Variants in RYR3 observed in about 807,000 individuals in gnomAD.
RYR3 encodes ryanodine receptor 3.
RYR3 carries 207 observed loss-of-function variants against 584.3 expected under a neutral mutation model. That is an observed-to-expected ratio of 0.35 (90% CI 0.32 to 0.40). The LOEUF is 0.40. Ranked by LOEUF, RYR3 falls within the 10% of genes least tolerant of loss-of-function variation. The probability of loss-of-function intolerance (pLI) is 1.00; values close to 1 mark genes in which losing one functional copy is unlikely to be tolerated. For synonymous variants in RYR3, 2,416 were observed against 2,248.5 expected (o/e 1.07, Z -2.11); for missense variants, 5,616 against 6,089.2 (o/e 0.92, Z 2.59).
At chr15:33,473,361 T>G in intron 1 of RYR3, 58 bp from the exon 2 acceptor site, 3 of 1,609,836 alleles carry the variant, frequency 1.9e-6, no homozygotes, top group Non-Finnish European at 2.5e-6. Context: ...GGAAGGTGAC[T>G]CGGGGCCTGG....
At chr15:33,364,920 C>G (rs1414096614) in intron 1 of RYR3, among the ~76,000 whole-genome samples, 12 of 152,154 alleles carry the variant, frequency 7.9e-5, no homozygotes, top group Non-Finnish European at 1.5e-5. Flanking sequence ...AAAAGTAACT[C>G]TGCCACTTGC....
chr15:33,635,920 G>A, intron 26 of RYR3, 101 bp downstream of exon 26: 1 of 977,088 alleles, frequency 1.0e-6, no homozygotes, highest in Non-Finnish European at 1.5e-6. Context: ...GCTTCAAAGT[G>A]AGTGACCACC....
chr15:33,710,775 T>G (rs7167742), intron 43 of RYR3, among the ~76,000 whole-genome samples: 4 of 152,114 alleles, frequency 2.6e-5, no homozygotes, highest in African/African-American at 9.7e-5. Flanking sequence ...CCAAGAGTTA[T>G]GGCTTGCATT....
chr15:33,802,018 T>C, intron 69 of RYR3, 57 bp downstream of exon 69: 1 of 1,038,682 alleles, frequency 9.6e-7, no homozygotes, highest in Non-Finnish European at 1.5e-6. Context: ...AGCCATGACT[T>C]GGATCTGTTT....
intron 1 of RYR3, among the ~76,000 whole-genome samples, chr15:33,379,533 C>T (rs1461987586): frequency 6.6e-6 from 1 of 151,944 alleles, no homozygotes; most frequent in Non-Finnish European, 1.5e-5. Context: ...CTGTTTTTCA[C>T]TCAACTGGAA....
At position 33,655,128 on chromosome 15, in the gene RYR3, G is replaced by A. The variant is rs765232664; in HGVS notation, c.4308+2245G>A. Among the ~76,000 whole-genome samples, 4 of 152,226 alleles carry A rather than the reference G, an allele frequency of 2.6e-5. No homozygotes were observed. In the South Asian group the frequency reaches 6.2e-4, roughly 24 times the overall value. On this transcript the variant is annotated intron_variant, in intron 32 of 103. Coordinates refer to ENST00000634891, the MANE Select transcript of RYR3 (RefSeq NM_001036.6). The stretch of plus-strand genomic sequence containing the variant: ...AAGTGGAATCATCACCACTTGGCAC[G>A]CTTGCTTCAGCAGCTGGGGCCCAAC...
At chr15:33,492,658 C>A (rs1429106201) in intron 2 of RYR3, among the ~76,000 whole-genome samples, 2 of 152,156 alleles carry the variant, frequency 1.3e-5, no homozygotes, top group African/African-American at 4.8e-5. Context: ...GAACTGCATG[C>A]AGCTAATACT....
At chr15:33,725,562 T>C (rs2068328871) in intron 45 of RYR3, among the ~76,000 whole-genome samples, 1 of 152,166 alleles carries the variant, frequency 6.6e-6, no homozygotes, top group Admixed American at 6.5e-5. Flanking sequence ...GCTGAGCCCC[T>C]CAAGTTCTCT....
intron 38 of RYR3, among the ~76,000 whole-genome samples, chr15:33,682,189 G>A (rs2064674876): frequency 6.6e-6 from 1 of 152,136 alleles, no homozygotes; most frequent in Non-Finnish European, 1.5e-5. Flanking sequence ...TCTAAAGTCA[G>A]AGCAGAAAGT....
At chr15:33,789,291 C>T (rs8042469) in intron 67 of RYR3, among the ~76,000 whole-genome samples, 98,746 of 151,564 alleles carry the variant, frequency 0.65, 32,661 homozygotes, top group East Asian at 0.96. Context: ...CCTGGAGATT[C>T]TGAGGGAGTC....
At chr15:33,523,562 C>T (rs1426288749) in intron 3 of RYR3, among the ~76,000 whole-genome samples, 4 of 152,136 alleles carry the variant, frequency 2.6e-5, no homozygotes, top group Non-Finnish European at 5.9e-5. Flanking sequence ...TATCTGTCCA[C>T]CCCTCCTGGA....
At chr15:33,749,261 A>G (rs11072645) in intron 55 of RYR3, among the ~76,000 whole-genome samples, 80,841 of 152,002 alleles carry the variant, frequency 0.53, 22,022 homozygotes, top group Admixed American at 0.64. Flanking sequence ...GGTTTGCTGG[A>G]GCTCCCTGTG....
chr15:33,753,322 A>G (rs1224171658), intron 57 of RYR3, among the ~76,000 whole-genome samples: 2 of 152,264 alleles, frequency 1.3e-5, no homozygotes, highest in South Asian at 2.1e-4. Flanking sequence ...ATTGATTATT[A>G]TGAAGATACA....
In RYR3 at chr15:33,550,197, C is replaced by T. The variant is rs769820824; in HGVS notation, c.853C>T (p.Arg285Ter). The change falls in exon 10 of 104, where the codon CGA (arginine) becomes TGA (stop). Residue 285 changes from arginine (R) to a stop codon, truncating the protein, a stop_gained. Coordinates refer to ENST00000634891, the MANE Select transcript of RYR3 (RefSeq NM_001036.6). LOFTEE classifies it high-confidence loss of function. The part of the protein sequence containing the change: ...GSNIRWGQAF[R>*]LRHLTTGHYL... ...TAACATCAGATGGGGCCAGGCTTTC[C>T]GACTCCGGCATCTCACCACAGGCCA... 6.2e-7 allele frequency: 1 copy of T among 1,613,752 alleles called. No homozygotes were observed. Among genetic ancestry groups the T allele is most frequent in the Non-Finnish European group, 8.5e-7 (1 of 1,179,780 alleles).
chr15:33,552,925 A>G lies in RYR3; in HGVS notation c.972+2609A>G, dbSNP rs539938079. 3.3e-5 allele frequency among the ~76,000 whole-genome samples: 5 copies of G among 152,272 alleles called. No individual in the cohort carries two copies. The East Asian group carries it at 5.8e-4, about 18-fold the overall frequency. On this transcript the variant is annotated intron_variant, in intron 10 of 103. Coordinates refer to ENST00000634891, the MANE Select transcript of RYR3 (RefSeq NM_001036.6). Reference sequence around the variant, plus strand: ...TGCTTCCCCTCCCTGGGCGCTAGTGACAATACCCAGCAGAAAGAGGTTTGG... The same window carrying G: ...TGCTTCCCCTCCCTGGGCGCTAGTGGCAATACCCAGCAGAAAGAGGTTTGG...
chr15:33,578,771 A>AG (rs5811776), intron 12 of RYR3, among the ~76,000 whole-genome samples: 70,943 of 142,770 alleles, frequency 0.5, 17,456 homozygotes, highest in Admixed American at 0.62. Flanking sequence ...AGAATAAAAA[A>AG]AAAAAAACAA....
chr15:33,420,167 A>G (rs2044136601), intron 1 of RYR3, among the ~76,000 whole-genome samples: 1 of 152,224 alleles, frequency 6.6e-6, no homozygotes, highest in South Asian at 2.1e-4. Flanking sequence ...CCTTTGGAGA[A>G]TCAAGCCTTG....
chr15:33,390,422 C>T lies in RYR3; in HGVS notation c.51+79326C>T, dbSNP rs947230931. ...AACTGATATTTGCAGGACCAAGCCA[C>T]TGCAAAAGAGAATTCCTATAAAACC... On this transcript the variant is annotated intron_variant, in intron 1 of 103. Coordinates refer to ENST00000634891, the MANE Select transcript of RYR3 (RefSeq NM_001036.6). This position sits in a 1 kb window ranked among gnomAD's most constrained non-coding sequence, Gnocchi z 4.2. 1.3e-5 allele frequency among the ~76,000 whole-genome samples: 2 copies of T among 152,210 alleles called. No individual in the cohort carries two copies. The highest frequency in any genetic ancestry group is 2.9e-5 in the Non-Finnish European group (2 of 68,046).
intron 1 of RYR3, among the ~76,000 whole-genome samples, chr15:33,462,602 A>G (rs2048133587): frequency 6.6e-6 from 1 of 152,226 alleles, no homozygotes; most frequent in African/African-American, 2.4e-5. Context: ...TCCAGAACCA[A>G]TGATAAATAG....
Sources: allele counts gnomAD v4.1 joint callset (sites outside exome capture counted in the v4.1 genomes callset), GRCh38; gene constraint gnomAD v4.1.1; non-coding constraint Gnocchi (gnomAD v3.1); transcripts MANE v1.5; gene names NCBI Gene and HGNC (gene_info 2026-07-23, HGNC 2026-07-21).